The following SMAD6 variants were observed in gnomAD, a reference collection of about 807,000 sequenced individuals.
SMAD6 encodes the protein SMAD family member 6.
A neutral mutation model predicts 39.4 loss-of-function variants in SMAD6; 103 were observed. The observed-to-expected ratio is 2.62, with a 90% CI of 2.23 to 3.08. The LOEUF is 3.08. SMAD6 is among the 30% of genes most tolerant of loss of function. The pLI, the probability that SMAD6 is intolerant of heterozygous loss-of-function variation, is 0.00. For missense variants in SMAD6, 1,104 were observed against 742.9 expected (o/e 1.49, Z -5.65); for synonymous variants, 445 against 353.3 (o/e 1.26, Z -2.91).
rs536246459 is a variant in SMAD6, at chr15:66,716,626, G to A, written c.952+128G>A. On this transcript the variant is annotated intron_variant, in intron 3 of 3. Transcript: ENST00000288840. The stretch of plus-strand genomic sequence containing the variant: ...TTGTTTCCCTTTTCCTCCAATCCTT[G>A]GATGGGAAGGTTGCCAATGTTTCAG... 2.4e-5 allele frequency: 18 copies of A among 747,062 alleles called. 1 individual carries two copies. The South Asian group carries it at 2.7e-4, about 11-fold the overall frequency. 46.3% of individuals were successfully genotyped at this position (747,062 alleles called of 1,614,324 possible). A position where few individuals can be genotyped will look rare whatever the true frequency, so the allele number is the denominator to read the frequency against.
chr15:66,762,725 C>T (rs893710192), intron 3 of SMAD6, among the ~76,000 whole-genome samples: 2 of 151,998 alleles, frequency 1.3e-5, no homozygotes, highest in Non-Finnish European at 2.9e-5. Flanking sequence ...ATAAAGAATC[C>T]CTTCCATCAA....
intron 3 of SMAD6, among the ~76,000 whole-genome samples, chr15:66,765,373 G>A (rs973165153): frequency 3.9e-5 from 6 of 152,084 alleles, no homozygotes; most frequent in Non-Finnish European, 5.9e-5. Flanking sequence ...ACAGGTGCCC[G>A]CCACCATGCC....
At chr15:66,704,785 TGAA>T (rs1196967993) in intron 1 of SMAD6, 1 of 152,288 alleles carries the variant, frequency 6.6e-6, no homozygotes, top group African/African-American at 2.4e-5. Flanking sequence ...CGTGAGTAGA[TGAA>T]GAAGCCAGAT....
At chr15:66,773,597 CCACGTAATTACT>C (rs1222958105) in intron 3 of SMAD6, among the ~76,000 whole-genome samples, 1 of 152,052 alleles carries the variant, frequency 6.6e-6, no homozygotes, top group Non-Finnish European at 1.5e-5. Context: ...AGATGCAGGG[CCACGTAATTACT>C]CCCAGGCCTG....
At chr15:66,751,705 C>T (rs1257325639) in intron 3 of SMAD6, among the ~76,000 whole-genome samples, 1 of 152,244 alleles carries the variant, frequency 6.6e-6, no homozygotes, top group Non-Finnish European at 1.5e-5. Flanking sequence ...GGTCATTGTG[C>T]CAGATGTTTG....
At chr15:66,756,250 T>C (rs1894097636) in intron 3 of SMAD6, among the ~76,000 whole-genome samples, 1 of 152,154 alleles carries the variant, frequency 6.6e-6, no homozygotes, top group South Asian at 2.1e-4. Context: ...AAAATTTTTT[T>C]TTTTTAGGTT....
chr15:66,712,557 C>A (rs1205085130), intron 2 of SMAD6, among the ~76,000 whole-genome samples: 1 of 151,934 alleles, frequency 6.6e-6, no homozygotes, highest in Non-Finnish European at 1.5e-5. Context: ...TACACATGCT[C>A]CCGAGTAGCT....
At chr15:66,710,928 G>A (rs1360646295) in intron 1 of SMAD6, among the ~76,000 whole-genome samples, 1 of 152,212 alleles carries the variant, frequency 6.6e-6, no homozygotes, top group Non-Finnish European at 1.5e-5. Context: ...TATTGAGATA[G>A]CTGGGTTTGG....
chr15:66,735,214 T>C (rs1567102332), intron 3 of SMAD6, among the ~76,000 whole-genome samples: 2 of 152,224 alleles, frequency 1.3e-5, no homozygotes, highest in South Asian at 4.1e-4. Flanking sequence ...AGCCACACCA[T>C]AGTCCAGGGC....
chr15:66,735,684 C>A (rs1185917825), intron 3 of SMAD6, among the ~76,000 whole-genome samples: 1 of 152,100 alleles, frequency 6.6e-6, no homozygotes, highest in African/African-American at 2.4e-5. Context: ...TCCCTGGGGA[C>A]GTGGAGAGGG....
At chr15:66,766,851 C>A (rs550938203) in intron 3 of SMAD6, among the ~76,000 whole-genome samples, 3 of 152,278 alleles carry the variant, frequency 2.0e-5, no homozygotes, top group Admixed American at 6.5e-5. Context: ...TAGAAGAAAT[C>A]CAGAATTATG....
intron 3 of SMAD6, among the ~76,000 whole-genome samples, chr15:66,739,460 C>T (rs905431780): frequency 6.6e-6 from 1 of 152,180 alleles, no homozygotes; most frequent in African/African-American, 2.4e-5. Context: ...GCAGGCAGGC[C>T]GTCAAGAGCC....
intron 3 of SMAD6, among the ~76,000 whole-genome samples, chr15:66,728,317 G>A (rs777410634): frequency 5.9e-5 from 9 of 152,120 alleles, no homozygotes; most frequent in African/African-American, 1.2e-4. Context: ...TTTTGAACCC[G>A]ATGCACACAG....
chr15:66,726,608 G>A (rs951387538), intron 3 of SMAD6, among the ~76,000 whole-genome samples: 4 of 152,158 alleles, frequency 2.6e-5, no homozygotes, highest in Admixed American at 6.5e-5. Flanking sequence ...GCGAAGGCCA[G>A]AGAGAGCTCA....
chr15:66,752,256 G>T (rs915376909), intron 3 of SMAD6, among the ~76,000 whole-genome samples: 1 of 152,054 alleles, frequency 6.6e-6, no homozygotes, highest in Admixed American at 6.5e-5. Flanking sequence ...TCTGTGGGGG[G>T]CCCTCCCCAC....
At chr15:66,753,357 G>A (rs1320198313) in intron 3 of SMAD6, among the ~76,000 whole-genome samples, 1 of 152,174 alleles carries the variant, frequency 6.6e-6, no homozygotes, top group Non-Finnish European at 1.5e-5. Flanking sequence ...GGGCAGATGT[G>A]GGTCCTTGTG....
chr15:66,721,085 T>A (rs1235296327), intron 3 of SMAD6, among the ~76,000 whole-genome samples: 1 of 152,106 alleles, frequency 6.6e-6, no homozygotes, highest in Non-Finnish European at 1.5e-5. Context: ...GATCATTTTG[T>A]AGATTGTTGC....
At chr15:66,711,865 G>T (rs1393216985) in intron 2 of SMAD6, 141 bp downstream of exon 2, 4 of 689,906 alleles carry the variant, frequency 5.8e-6, no homozygotes, top group Non-Finnish European at 1.0e-5. Flanking sequence ...GCTGTGAAAT[G>T]GGGTGAAGTT....
At chr15:66,730,149 G>A (rs1325697067) in intron 3 of SMAD6, among the ~76,000 whole-genome samples, 1 of 152,184 alleles carries the variant, frequency 6.6e-6, no homozygotes, top group Non-Finnish European at 1.5e-5. Context: ...CCTCTCCTTG[G>A]TGCAGGGCTG....
Sources: allele counts gnomAD v4.1 joint callset (sites outside exome capture counted in the v4.1 genomes callset), GRCh38; gene constraint gnomAD v4.1.1; transcripts MANE v1.5; gene names NCBI Gene and HGNC (gene_info 2026-07-23, HGNC 2026-07-21).